Variants in NAGK observed in about 807,000 individuals in gnomAD.
NAGK encodes N-acetylglucosamine kinase.
In NAGK, 35 loss-of-function variants were observed where a neutral mutation model predicts 42.9. The observed-to-expected ratio is 0.82, with a 90% confidence interval of 0.62 to 1.08. The LOEUF (loss-of-function observed/expected upper bound fraction) is 1.08, where lower values mean the gene tolerates loss of function less well. Ranked by LOEUF, NAGK falls within the 50% of genes least tolerant of loss-of-function variation. NAGK has a pLI of 0.00. For synonymous variants in NAGK, 172 were observed against 176.0 expected (o/e 0.98, Z 0.18); for missense variants, 446 against 446.0 (o/e 1.00, Z 0.00).
In NAGK at chr2:71,078,663, A is replaced by C; in HGVS notation, c.*155A>C. 3.4e-6 allele frequency: 3 copies of C among 877,716 alleles called. No individual in the cohort carries two copies. Among genetic ancestry groups the C allele is most frequent in the Non-Finnish European group, 5.1e-6 (3 of 593,320 alleles). 54.4% of individuals were successfully genotyped at this position (877,716 alleles called of 1,614,324 possible). On this transcript the variant is annotated 3_prime_UTR_variant, in exon 10 of 10. Transcript: ENST00000244204. ...CCAATTGGACTGCATTATCAAACAC[A>C]TGTGCTATGTACATCCTCAGTGCAC...
chr2:71,078,601 C>G lies in NAGK; in HGVS notation c.*93C>G. ...GCTTCCTTTCTCCTTTTTACAAAAA[C>G]AAACATAGAAGAAAATAAATGCACT... On this transcript the variant is annotated 3_prime_UTR_variant, in exon 10 of 10. Coordinates refer to ENST00000244204, the MANE Select transcript of NAGK (RefSeq NM_017567.6). 1 of 1,370,010 alleles carries G rather than the reference C, an allele frequency of 7.3e-7. No homozygotes were observed. The highest frequency in any genetic ancestry group is 9.7e-7 in the Non-Finnish European group (1 of 1,027,286). 84.9% of individuals were successfully genotyped at this position (1,370,010 alleles called of 1,614,324 possible).
rs201078608 is a variant in NAGK at position 71,075,571 on chromosome 2, G to C, written c.596G>C (p.Gly199Ala). 3.4e-4 allele frequency: 555 copies of C among 1,613,852 alleles called. 1 individual carries two copies. The Middle Eastern group carries it at 4.5e-3, about 13-fold the overall frequency. Residue 199 changes from glycine (G) to alanine (A), a missense_variant, in exon 7 of 10, where the codon GGG becomes GCG. By Grantham distance (60) the Gly-to-Ala change is moderately conservative. Transcript: ENST00000244204. ...FHYFQVPDRL[G>A]ILTHLYRDFD... is the part of the protein sequence containing the mutation. ...TCCTCTCAGGTGCCAGATCGGCTAG[G>C]GATACTCACTCACCTGTATAGGGAC...
Position 71,071,700 on chromosome 2 carries a change from CG to C in NAGK, c.230del (p.Gly77ValfsTer11). Reference sequence around the variant, plus strand: ...GCGTGGCCTAGGGCCTATCTCTGAGCGGTGGGGACCAGGAGGACGCGGGGAG... The same window carrying C: ...GCGTGGCCTAGGGCCTATCTCTGAGCGTGGGGACCAGGAGGACGCGGGGAG... ...PLRSLGLSLS[G>X]GDQEDAGRIL... On this transcript the variant is annotated frameshift_variant, in exon 4 of 10. Coordinates refer to ENST00000244204, the MANE Select transcript of NAGK (RefSeq NM_017567.6). LOFTEE classifies it high-confidence loss of function. 6.2e-7 allele frequency: 1 copy of C among 1,613,336 alleles called. No homozygotes were observed. Among genetic ancestry groups the C allele is most frequent in the Non-Finnish European group, 8.5e-7 (1 of 1,179,782 alleles).
chr2:71,073,690 G>T lies in NAGK; in HGVS notation c.579+96G>T, dbSNP rs151323995. On this transcript the variant is annotated intron_variant, in intron 6 of 9. Coordinates refer to ENST00000244204, the MANE Select transcript of NAGK (RefSeq NM_017567.6). ...TGCAGGGGAGGGCCTGGGCGGACCG[G>T]CAGGAAATAGGGTGAGTTGTGGGTC... 5.4e-4 allele frequency: 549 copies of T among 1,017,996 alleles called. 6 individuals carry two copies. In the African/African-American group the frequency reaches 7.5e-3, roughly 14 times the overall value. 63.1% of individuals were successfully genotyped at this position (1,017,996 alleles called of 1,614,324 possible).
chr2:71,071,661 C>T (rs781121459), intron 3 of NAGK, 25 bp from the exon 4 acceptor site: 1 of 1,600,696 alleles, frequency 6.2e-7, no homozygotes, highest in Non-Finnish European at 8.5e-7. Flanking sequence ...GCTCTGCACA[C>T]TCGCTCACCT....
At chr2:71,070,356 CCA>C (rs1671952041) in intron 1 of NAGK, 144 bp from the exon 2 acceptor site, 2 of 620,240 alleles carry the variant, frequency 3.2e-6, no homozygotes, top group East Asian at 5.8e-5. Context: ...AAACACTGAA[CCA>C]CAGAGGCGGG....
Position 71,073,622 on chromosome 2 carries a change from C to A in NAGK, c.579+28C>A, listed in dbSNP as rs765161037. Reference sequence around the variant, plus strand: ...ACTCCTCCTGCTCCCAGTAAACATGCGCACCTGGGGTAGGGCAGTGAAACA... The same window carrying A: ...ACTCCTCCTGCTCCCAGTAAACATGAGCACCTGGGGTAGGGCAGTGAAACA... On this transcript the variant is annotated intron_variant, in intron 6 of 9. Transcript: ENST00000244204. 2.6e-6 allele frequency: 4 copies of A among 1,534,208 alleles called. No homozygotes were observed. In the South Asian group the frequency reaches 3.4e-5, roughly 13 times the overall value.
upstream of NAGK, chr2:71,068,343 G>C (rs1671853668): frequency 1.5e-6 from 1 of 651,568 alleles, no homozygotes; most frequent in South Asian, 2.9e-5. Context: ...GCAGGTCAGT[G>C]ATGTGTCCTA....
Position 71,070,483 on chromosome 2 carries a change from G to T in NAGK, c.30-19G>T. 6.2e-7 allele frequency: 1 copy of T among 1,605,496 alleles called. No individual in the cohort carries two copies. The highest frequency in any genetic ancestry group is 8.5e-7 in the Non-Finnish European group (1 of 1,172,604). On this transcript the variant is annotated intron_variant, in intron 1 of 9. Transcript: ENST00000244204. ...TGGGTTTTTCCGAGCAAGATCAAGT[G>T]CCCTCTTGTGTTCTGTAGGGGAGGC...
At chr2:71,072,291 G>T in intron 4 of NAGK, 1 of 295,708 alleles carries the variant, frequency 3.4e-6, no homozygotes. Flanking sequence ...TTCATAAGAT[G>T]GTTTAGGGTA....
intron 4 of NAGK, 53 bp from the exon 5 acceptor site, chr2:71,072,588 G>T: frequency 6.8e-7 from 1 of 1,465,246 alleles, no homozygotes. Context: ...GTGGCAAGCT[G>T]TTGCTCTGTG....
intron 5 of NAGK, chr2:71,073,130 A>C: frequency 2.2e-6 from 1 of 454,322 alleles, no homozygotes; most frequent in African/African-American, 2.0e-5. Context: ...CTCTCTAGGT[A>C]GTGTGTGTTT....
At chr2:71,075,435 G>A (rs2103713095) in intron 6 of NAGK, 120 bp from the exon 7 acceptor site, 2 of 713,918 alleles carry the variant, frequency 2.8e-6, no homozygotes, top group South Asian at 1.7e-5. Flanking sequence ...GTACTTTGGA[G>A]TTAAAAAAAA....
Position 71,068,648 on chromosome 2 carries a change from G to A in NAGK, c.-36G>A. 1 of 1,522,666 alleles carries A rather than the reference G, an allele frequency of 6.6e-7. No individual in the cohort carries two copies. Among genetic ancestry groups the A allele is most frequent in the Non-Finnish European group, 8.8e-7 (1 of 1,134,886 alleles). 94.3% of individuals were successfully genotyped at this position (1,522,666 alleles called of 1,614,324 possible). ...AAGGAGGTGTCAGGCGGGGAGAGACGCAAACGGCGGGACCAGCAGCGACGG... is the reference window on the plus strand; with the variant it reads ...AAGGAGGTGTCAGGCGGGGAGAGACACAAACGGCGGGACCAGCAGCGACGG... On this transcript the variant is annotated 5_prime_UTR_variant, in exon 1 of 10. Transcript: ENST00000244204.
intron 1 of NAGK, 53 bp downstream of exon 1, chr2:71,068,765 G>T: frequency 1.4e-6 from 2 of 1,440,350 alleles, no homozygotes; most frequent in Non-Finnish European, 1.8e-6. Flanking sequence ...GCGGAAGGCC[G>T]TGGCCAGCCT....
At chr2:71,068,453 G>A, upstream of NAGK, 1 of 1,382,622 alleles carries the variant, frequency 7.2e-7, no homozygotes, top group Non-Finnish European at 9.3e-7. Context: ...GGCCGCTGCG[G>A]ACCGCAGTCG....
intron 9 of NAGK, among the ~76,000 whole-genome samples, 191 bp from the exon 10 acceptor site, chr2:71,078,127 G>A (rs571037338): frequency 2.7e-4 from 41 of 152,264 alleles, no homozygotes; most frequent in Admixed American, 2.5e-3. Context: ...AGGAGAGCAG[G>A]CCCCCTATGT....
At chr2:71,073,351 CT>C (rs1672092853) in intron 5 of NAGK, 130 bp from the exon 6 acceptor site, 1 of 631,588 alleles carries the variant, frequency 1.6e-6, no homozygotes, top group Non-Finnish European at 2.9e-6. Context: ...CCTGCCACCC[CT>C]GGCTGGGAAT....
intron 5 of NAGK, 41 bp from the exon 6 acceptor site, chr2:71,073,441 A>T: frequency 7.1e-7 from 1 of 1,406,616 alleles, no homozygotes; most frequent in Non-Finnish European, 1.0e-6. Context: ...TGAGCTCAGG[A>T]TGACTGCTCC....
Sources: gnomAD v4.1 joint callset for allele counts (sites outside exome capture counted in the v4.1 genomes callset) on GRCh38, gnomAD v4.1.1 for gene constraint, MANE v1.5 for transcripts, NCBI Gene and HGNC (gene_info 2026-07-23, HGNC 2026-07-21) for gene names.